ITGA9: variants seen among roughly 807,000 people sequenced by gnomAD.
ITGA9 encodes integrin alpha-9.
A neutral mutation model predicts 127.8 loss-of-function variants in ITGA9; 56 were observed. The ratio of observed to expected loss-of-function variants is 0.44; its 90% CI spans 0.35 to 0.55. The LOEUF (loss-of-function observed/expected upper bound fraction) is 0.55. Among genes scored for constraint, ITGA9 ranks in the 20% least tolerant of loss-of-function variants. The probability of loss-of-function intolerance (pLI) is 0.00; values close to 1 mark genes in which losing one functional copy is unlikely to be tolerated. For missense variants in ITGA9, 1,196 were observed against 1,347.1 expected, an observed-to-expected ratio of 0.89 and a Z score of 1.76; for synonymous variants, 508 against 514.5, an observed-to-expected ratio of 0.99 and a Z score of 0.17.
At chr3:37,636,748 G>T (rs1389717611) in intron 16 of ITGA9, among the ~76,000 whole-genome samples, 1 of 152,064 alleles carries the variant, frequency 6.6e-6, no homozygotes, top group Non-Finnish European at 1.5e-5. Context: ...TTTTCTTCTA[G>T]GGTTTTTATG....
intron 27 of ITGA9, among the ~76,000 whole-genome samples, chr3:37,818,007 C>T (rs1007576670): frequency 2.6e-5 from 4 of 151,946 alleles, no homozygotes; most frequent in Non-Finnish European, 5.9e-5. Context: ...CCTGCAGACG[C>T]TTTAAACAGC....
At chr3:37,676,457 A>C (rs1462332758) in intron 17 of ITGA9, among the ~76,000 whole-genome samples, 1 of 152,192 alleles carries the variant, frequency 6.6e-6, no homozygotes, top group Non-Finnish European at 1.5e-5. Flanking sequence ...AGTTCCCATC[A>C]GTCATTGAGG....
At chr3:37,665,426 C>T (rs1700577429) in intron 17 of ITGA9, among the ~76,000 whole-genome samples, 1 of 152,144 alleles carries the variant, frequency 6.6e-6, no homozygotes, top group African/African-American at 2.4e-5. Flanking sequence ...CTCCTCAGAA[C>T]AAGTGTTTGC....
intron 27 of ITGA9, among the ~76,000 whole-genome samples, chr3:37,816,984 C>T (rs1433692835): frequency 4.6e-5 from 7 of 152,206 alleles, no homozygotes; most frequent in Non-Finnish European, 7.3e-5. Context: ...TGACAGTTCT[C>T]GTCTTTGGCT....
intron 4 of ITGA9, among the ~76,000 whole-genome samples, chr3:37,484,054 A>G (rs1293394148): frequency 6.6e-6 from 1 of 152,232 alleles, no homozygotes; most frequent in Non-Finnish European, 1.5e-5. Context: ...CAAAAATACA[A>G]TGGACTTAAT....
chr3:37,623,691 CTGTGTG>C (rs10581492), intron 15 of ITGA9, among the ~76,000 whole-genome samples: 4,916 of 149,422 alleles, frequency 0.033, 120 homozygotes, highest in Non-Finnish European at 0.049. Context: ...GTGTGTGTGT[CTGTGTG>C]TGTGTGTGTG....
chr3:37,756,206 A>G (rs1696651234), intron 23 of ITGA9, among the ~76,000 whole-genome samples: 1 of 152,096 alleles, frequency 6.6e-6, no homozygotes, highest in Admixed American at 6.5e-5. Flanking sequence ...GTATAGCAAT[A>G]TTAACAGCAA....
intron 23 of ITGA9, among the ~76,000 whole-genome samples, chr3:37,770,029 C>T (rs1696824458): frequency 6.6e-6 from 1 of 152,076 alleles, no homozygotes; most frequent in Non-Finnish European, 1.5e-5. Context: ...CTCTGGGCCT[C>T]AGTTTTCTCA....
chr3:37,676,189 T>A (rs974666478), intron 17 of ITGA9, among the ~76,000 whole-genome samples: 1 of 152,234 alleles, frequency 6.6e-6, no homozygotes, highest in African/African-American at 2.4e-5. Context: ...GTGAAACAAA[T>A]TTAATGCAGT....
At chr3:37,557,098 T>A (rs1033523575) in intron 15 of ITGA9, among the ~76,000 whole-genome samples, 1 of 152,240 alleles carries the variant, frequency 6.6e-6, no homozygotes, top group African/African-American at 2.4e-5. Context: ...GTCAGAAATC[T>A]ATTTCCCCTT....
chr3:37,648,285 A>G (rs1035637451), intron 16 of ITGA9, among the ~76,000 whole-genome samples: 2 of 152,192 alleles, frequency 1.3e-5, no homozygotes, highest in South Asian at 4.1e-4. Context: ...AGTGATGTGG[A>G]TATTTCAGCA....
chr3:37,461,410 A>C (rs1698315057), intron 1 of ITGA9, among the ~76,000 whole-genome samples: 1 of 152,118 alleles, frequency 6.6e-6, no homozygotes, highest in Non-Finnish European at 1.5e-5. Context: ...TACATCCCTC[A>C]TTAGGTTGGT....
At chr3:37,456,782 A>G (rs1698264028) in intron 1 of ITGA9, among the ~76,000 whole-genome samples, 1 of 152,248 alleles carries the variant, frequency 6.6e-6, no homozygotes, top group South Asian at 2.1e-4. Flanking sequence ...GATTTGCATG[A>G]AGGTTGAGAA....
chr3:37,649,843 AG>A (rs1288472569), intron 16 of ITGA9, among the ~76,000 whole-genome samples: 1 of 152,264 alleles, frequency 6.6e-6, no homozygotes, highest in African/African-American at 2.4e-5. Flanking sequence ...AGCAAATTTC[AG>A]ATCGAAATCA....
intron 16 of ITGA9, among the ~76,000 whole-genome samples, chr3:37,631,232 G>A (rs1400679179): frequency 2.6e-5 from 4 of 152,170 alleles, no homozygotes; most frequent in African/African-American, 9.7e-5. Context: ...GACCCAGTGA[G>A]GTAGTCATCT....
At chr3:37,696,031 A>AG (rs1700881914) in intron 18 of ITGA9, among the ~76,000 whole-genome samples, 1 of 152,202 alleles carries the variant, frequency 6.6e-6, no homozygotes, top group Non-Finnish European at 1.5e-5. Flanking sequence ...CCAAGCAAGA[A>AG]GGAGAAGGAC....
chr3:37,798,044 G>A (rs751818804), intron 26 of ITGA9, among the ~76,000 whole-genome samples: 33 of 152,110 alleles, frequency 2.2e-4, no homozygotes, highest in African/African-American at 7.0e-4. Context: ...AGGCTGGAGC[G>A]CAGTGGCACA....
intron 18 of ITGA9, among the ~76,000 whole-genome samples, chr3:37,730,663 T>G (rs1425604183): frequency 6.6e-6 from 1 of 152,180 alleles, no homozygotes; most frequent in African/African-American, 2.4e-5. Flanking sequence ...ATGTGGTGTG[T>G]GATACGACAA....
At chr3:37,760,880 A>G (rs1003079646) in intron 23 of ITGA9, among the ~76,000 whole-genome samples, 2 of 152,350 alleles carry the variant, frequency 1.3e-5, no homozygotes, top group South Asian at 2.1e-4. Flanking sequence ...ATTTGGGAGA[A>G]CATATTTGCA....
Sources: allele counts gnomAD v4.1 joint callset (sites outside exome capture counted in the v4.1 genomes callset), GRCh38; gene constraint gnomAD v4.1.1; transcripts MANE v1.5; gene names NCBI Gene and HGNC (gene_info 2026-07-23, HGNC 2026-07-21).